The following LINGO1 variants were observed in gnomAD, a reference collection of about 807,000 sequenced individuals.
LINGO1 encodes leucine-rich repeat and immunoglobulin-like domain-containing nogo receptor-interacting protein 1.
A neutral mutation model predicts 37.3 loss-of-function variants in LINGO1; 11 were observed. That is an observed-to-expected ratio of 0.29 (90% CI 0.19 to 0.49). The LOEUF is 0.49. Among genes scored for constraint, LINGO1 ranks in the 20% least tolerant of loss-of-function variants. LINGO1 has a pLI of 0.99. For synonymous variants in LINGO1, 387 were observed against 403.0 expected, an observed-to-expected ratio of 0.96 and a Z score of 0.48; for missense variants, 585 against 878.2, an observed-to-expected ratio of 0.67 and a Z score of 4.22.
intron 3 of LINGO1, chr15:77,646,639 C>T (rs1026576450): frequency 8.8e-5 from 26 of 296,916 alleles, no homozygotes; most frequent in Non-Finnish European, 1.5e-4. Context: ...ACCACCTTTT[C>T]CCCTGCCAGG....
At chr15:77,656,868 C>T (rs1032355117) in intron 3 of LINGO1, among the ~76,000 whole-genome samples, 14 of 152,298 alleles carry the variant, frequency 9.2e-5, no homozygotes, top group African/African-American at 3.1e-4. Flanking sequence ...CTGGCAGTGG[C>T]ACCCTGGCTG....
intron 2 of LINGO1, among the ~76,000 whole-genome samples, chr15:77,794,571 C>CGT (rs2076855062): frequency 2.3e-5 from 1 of 43,340 alleles, no homozygotes; most frequent in Non-Finnish European, 4.9e-5. Context: ...TACACACACA[C>CGT]ATATATATAT....
At chr15:77,820,828 AC>A (rs1432892673), upstream of LINGO1, 3 of 152,470 alleles carry the variant, frequency 2.0e-5, no homozygotes, top group Non-Finnish European at 4.4e-5. Flanking sequence ...AATCCTTGCC[AC>A]CCCGGACACT....
chr15:77,692,247 A>G (rs968287390), intron 1 of LINGO1, among the ~76,000 whole-genome samples: 1 of 152,248 alleles, frequency 6.6e-6, no homozygotes, highest in Non-Finnish European at 1.5e-5. Context: ...TGAGGGAACA[A>G]TGATTACCTC....
chr15:77,648,160 C>A, intron 3 of LINGO1: 2 of 333,438 alleles, frequency 6.0e-6, no homozygotes, highest in South Asian at 4.7e-5. Flanking sequence ...AGACTGAGTC[C>A]CAAGATCACC....
At chr15:77,760,343 C>T (rs1346969229) in intron 1 of LINGO1, among the ~76,000 whole-genome samples, 2 of 152,252 alleles carry the variant, frequency 1.3e-5, no homozygotes, top group Admixed American at 6.5e-5. Context: ...CACCAGGCTT[C>T]AGTCCCTGTC....
intron 1 of LINGO1, among the ~76,000 whole-genome samples, chr15:77,777,694 C>A (rs1208635871): frequency 6.6e-6 from 1 of 152,084 alleles, no homozygotes; most frequent in Non-Finnish European, 1.5e-5. Flanking sequence ...TGGGAGCCCG[C>A]GGCAGGAGGA....
chr15:77,782,256 T>TAC (rs2076727015), intron 1 of LINGO1, among the ~76,000 whole-genome samples: 1 of 151,116 alleles, frequency 6.6e-6, no homozygotes, highest in East Asian at 1.9e-4. Context: ...CGTGCCCGCA[T>TAC]ACACATGTGC....
chr15:77,635,688 C>T (rs1038652344), upstream of LINGO1, among the ~76,000 whole-genome samples: 2 of 152,240 alleles, frequency 1.3e-5, no homozygotes, highest in African/African-American at 4.8e-5. Context: ...TGCTTCAAAA[C>T]CCAACCAAGA....
Position 77,615,895 on chromosome 15 carries a change from G to C in LINGO1, c.12C>G (p.Ser4Arg), listed in dbSNP as rs1003844777. Residue 4 changes from serine to arginine, a missense_variant, in exon 2 of 2, where the codon AGC becomes AGG. Ser to Arg is a moderately radical substitution (Grantham distance 110). Transcript: ENST00000355300. MQVSKRMLAGGVRS... is the reference protein window; with the variant it reads MQVRKRMLAGGVRS... ...TCACGCCCCCCGCCAGCATCCTCTT[G>C]CTCACCTGCAGCCGGGAGCAAGCAC... 7.5e-6 allele frequency: 11 copies of C among 1,468,364 alleles called. No homozygotes were observed. In the African/African-American group the frequency reaches 1.6e-4, roughly 21 times the overall value. 91.0% of individuals were successfully genotyped at this position (1,468,364 alleles called of 1,614,324 possible). A position where few individuals can be genotyped will look rare whatever the true frequency, so the allele number is the denominator to read the frequency against.
rs1212217156 is a variant in LINGO1 at position 77,757,852 on chromosome 15, C to T, written c.-256-22799G>A. ...GGCCCAGGCGCCAGGCATAGGCCCCCCATAAGGAGCCCAACCTCCGGCTCA... is the reference window on the plus strand; with the variant it reads ...GGCCCAGGCGCCAGGCATAGGCCCCTCATAAGGAGCCCAACCTCCGGCTCA... On this transcript the variant is annotated intron_variant, in intron 1 of 3. Transcript: ENST00000561686. Among the ~76,000 whole-genome samples the T allele has an allele frequency of 8.5e-5, 13 of 152,358 alleles. No individual in the cohort carries two copies. The East Asian group carries it at 2.5e-3, about 29-fold the overall frequency.
At chr15:77,795,751 C>T (rs2076867551) in intron 2 of LINGO1, among the ~76,000 whole-genome samples, 1 of 152,252 alleles carries the variant, frequency 6.6e-6, no homozygotes, top group Non-Finnish European at 1.5e-5. Context: ...CCCCACGCTT[C>T]CAAGCTGCCT....
intron 2 of LINGO1, among the ~76,000 whole-genome samples, chr15:77,731,225 T>C (rs539453881): frequency 6.6e-6 from 1 of 152,212 alleles, no homozygotes; most frequent in South Asian, 2.1e-4. Context: ...GGCTCCAATG[T>C]AGAAGCCGCC....
intron 1 of LINGO1, among the ~76,000 whole-genome samples, chr15:77,809,884 C>T (rs2076989190): frequency 1.3e-5 from 2 of 152,250 alleles, no homozygotes; most frequent in Admixed American, 6.5e-5. Flanking sequence ...CCTCTCCTTC[C>T]CCAACCGCAG....
rs544364701 is a variant in LINGO1, at chr15:77,818,753, G to A, written c.-458+1505C>T. ...CGCGCGGTCCTGCCTGACCCTAGCG[G>A]GGTCATAGTAGTCTGGCGCCCGGAG... On this transcript the variant is annotated intron_variant, in intron 1 of 5. Transcript: ENST00000562933. Among the ~76,000 whole-genome samples, 161 of 152,192 alleles carry A rather than the reference G, an allele frequency of 1.1e-3. 1 individual carries two copies. The highest frequency in any genetic ancestry group is 3.5e-3 in the African/African-American group (145 of 41,542).
chr15:77,773,043 C>T (rs1006267569), intron 1 of LINGO1, among the ~76,000 whole-genome samples: 3 of 152,104 alleles, frequency 2.0e-5, no homozygotes, highest in Non-Finnish European at 4.4e-5. Context: ...AGAGCCAAGG[C>T]GGGTGTCCCC....
At chr15:77,669,161 A>G (rs2075201881) in intron 3 of LINGO1, among the ~76,000 whole-genome samples, 1 of 152,260 alleles carries the variant, frequency 6.6e-6, no homozygotes, top group Non-Finnish European at 1.5e-5. Context: ...CCTCTGCTGC[A>G]GGCCTGGCAA....
At chr15:77,654,242 G>T (rs1168521413) in intron 3 of LINGO1, among the ~76,000 whole-genome samples, 1 of 152,202 alleles carries the variant, frequency 6.6e-6, no homozygotes, top group African/African-American at 2.4e-5. Context: ...ACCGTGAGTT[G>T]TTTGAAATCT....
At chr15:77,656,793 G>A (rs570237943) in intron 3 of LINGO1, among the ~76,000 whole-genome samples, 2 of 152,342 alleles carry the variant, frequency 1.3e-5, no homozygotes, top group East Asian at 3.9e-4. Context: ...GACTTTGGGA[G>A]TTCCATGTTA....
Sources: allele counts gnomAD v4.1 joint callset (sites outside exome capture counted in the v4.1 genomes callset), GRCh38; gene constraint gnomAD v4.1.1; transcripts MANE v1.5; gene names NCBI Gene and HGNC (gene_info 2026-07-23, HGNC 2026-07-21).